The following VEPH1 variants were observed in gnomAD, a reference collection of about 807,000 sequenced individuals.
The protein encoded by VEPH1 is ventricular zone-expressed PH domain-containing protein homolog 1.
In VEPH1, 80 loss-of-function variants were observed where a neutral mutation model predicts 85.2. The observed-to-expected ratio is 0.94, with a 90% confidence interval of 0.78 to 1.13. VEPH1 has a LOEUF of 1.13. Among genes scored for constraint, VEPH1 ranks in the 50% most tolerant of loss-of-function variants. The pLI is 0.00. For synonymous variants in VEPH1, 297 were observed against 348.0 expected, an observed-to-expected ratio of 0.85 and a Z score of 1.63; for missense variants, 955 against 980.5, an observed-to-expected ratio of 0.97 and a Z score of 0.35.
intron 9 of VEPH1, among the ~76,000 whole-genome samples, chr3:157,344,050 G>A (rs1456341113): frequency 2.0e-5 from 3 of 152,148 alleles, no homozygotes; most frequent in African/African-American, 7.2e-5. Context: ...AGCTATTTAT[G>A]ACAAACCCAC....
intron 9 of VEPH1, among the ~76,000 whole-genome samples, chr3:157,345,789 A>G (rs1189800391): frequency 2.0e-5 from 3 of 152,246 alleles, no homozygotes; most frequent in Non-Finnish European, 1.5e-5. Context: ...CCAAATGTCC[A>G]TAAATGATAT....
intron 4 of VEPH1, among the ~76,000 whole-genome samples, chr3:157,455,182 A>G (rs917897868): frequency 1.3e-5 from 2 of 152,186 alleles, no homozygotes; most frequent in African/African-American, 2.4e-5. Context: ...TGCTTTCCAC[A>G]GTGGCTGAAC....
At chr3:157,465,668 C>T (rs1736300067) in intron 3 of VEPH1, among the ~76,000 whole-genome samples, 1 of 152,190 alleles carries the variant, frequency 6.6e-6, no homozygotes, top group Admixed American at 6.5e-5. Flanking sequence ...ACATGCAACA[C>T]TAGCAAGGGC....
chr3:157,287,473 G>T (rs1716925367), intron 11 of VEPH1, among the ~76,000 whole-genome samples: 1 of 152,088 alleles, frequency 6.6e-6, no homozygotes, highest in South Asian at 2.1e-4. Context: ...TTGGCTCCAG[G>T]ACTGTTTAGT....
chr3:157,340,801 G>A (rs1412222796), intron 9 of VEPH1, among the ~76,000 whole-genome samples: 8 of 152,166 alleles, frequency 5.3e-5, no homozygotes, highest in Non-Finnish European at 7.3e-5. Flanking sequence ...CAGCTCACAC[G>A]GCCGGGTACC....
chr3:157,425,887 C>T (rs1732718410), intron 5 of VEPH1, among the ~76,000 whole-genome samples: 1 of 152,116 alleles, frequency 6.6e-6, no homozygotes, highest in South Asian at 2.1e-4. Context: ...CCACAATGCC[C>T]AAATGTTATG....
intron 6 of VEPH1, among the ~76,000 whole-genome samples, chr3:157,390,265 A>G (rs1340638706): frequency 6.6e-6 from 1 of 152,226 alleles, no homozygotes; most frequent in East Asian, 1.9e-4. Context: ...TTGGTTTGGG[A>G]CAATGAGTTA....
chr3:157,357,719 C>G (rs1226424434), intron 9 of VEPH1, among the ~76,000 whole-genome samples: 2 of 152,184 alleles, frequency 1.3e-5, no homozygotes, highest in Non-Finnish European at 2.9e-5. Context: ...TCTCGAACTC[C>G]TGACCTCAGG....
At chr3:157,322,354 T>G (rs1459142723) in intron 9 of VEPH1, among the ~76,000 whole-genome samples, 2 of 152,212 alleles carry the variant, frequency 1.3e-5, no homozygotes, top group Non-Finnish European at 2.9e-5. Flanking sequence ...GTTTACTCAT[T>G]TTTCTGTTGA....
chr3:157,398,192 G>A (rs1331428229), intron 6 of VEPH1, among the ~76,000 whole-genome samples: 1 of 152,138 alleles, frequency 6.6e-6, no homozygotes, highest in African/African-American at 2.4e-5. Context: ...TTTGATGATG[G>A]AATACTGCAG....
At chr3:157,350,724 A>T (rs532790338) in intron 9 of VEPH1, among the ~76,000 whole-genome samples, 1 of 152,364 alleles carries the variant, frequency 6.6e-6, no homozygotes, top group East Asian at 1.9e-4. Context: ...CTGAACAGAT[A>T]TTTCTCAAAA....
intron 7 of VEPH1, among the ~76,000 whole-genome samples, chr3:157,367,906 A>AT (rs1559999321): frequency 6.6e-6 from 1 of 152,206 alleles, no homozygotes; most frequent in African/African-American, 2.4e-5. Context: ...TCTGGCTTAT[A>AT]TCAGTTACAA....
rs144692384 is a variant in VEPH1, at chr3:157,428,397, C to T, written c.621G>A (p.Met207Ile). The change falls in exon 5 of 14, where the codon ATG becomes ATA. Residue 207 changes from methionine (M) to isoleucine (I), a missense_variant. Coordinates refer to ENST00000362010, the MANE Select transcript of VEPH1 (RefSeq NM_001167912.2). ...NRHLTELLAL[M>I]SQLEQPEQYH... is the part of the protein sequence containing the mutation. ...ACTGTTCTGGCTGTTCCAGCTGAGACATCAAGGCCAGGAGTTCTGTCAGGT... is the reference window on the plus strand; with the variant it reads ...ACTGTTCTGGCTGTTCCAGCTGAGATATCAAGGCCAGGAGTTCTGTCAGGT... 2.1e-3 allele frequency: 3,393 copies of T among 1,614,072 alleles called. 13 individuals carry two copies. The highest frequency in any genetic ancestry group is 0.014 in the East Asian group (642 of 44,874).
intron 9 of VEPH1, among the ~76,000 whole-genome samples, chr3:157,335,345 C>G (rs899086937): frequency 6.6e-6 from 1 of 151,436 alleles, no homozygotes; most frequent in East Asian, 2.0e-4. Flanking sequence ...TTCAGTGAGC[C>G]GTGTTTGCAT....
intron 2 of VEPH1, among the ~76,000 whole-genome samples, chr3:157,489,751 G>C (rs1475696410): frequency 6.6e-6 from 1 of 150,896 alleles, no homozygotes; most frequent in Non-Finnish European, 1.5e-5. Flanking sequence ...TTCTATCCTA[G>C]CATCCAGTAC....
rs1247097645 is a variant in VEPH1 at position 157,458,694 on chromosome 3, T to A, written c.529+1487A>T. 2.6e-5 allele frequency among the ~76,000 whole-genome samples: 4 copies of A among 152,362 alleles called. No homozygotes were observed. In the East Asian group the frequency reaches 7.7e-4, roughly 29 times the overall value. On this transcript the variant is annotated intron_variant, in intron 4 of 13. Transcript: ENST00000362010. ...TTTAAGGACTTAGCCATAAATTTAT[T>A]GCCAAGGCTATTGTCAAGAAGGGTA...
intron 3 of VEPH1, 58 bp from the exon 4 acceptor site, chr3:157,460,413 C>T (rs1049899128): frequency 6.5e-7 from 1 of 1,540,954 alleles, no homozygotes; most frequent in South Asian, 1.2e-5. Context: ...TTTATTCATT[C>T]ATTCACTCAT....
intron 9 of VEPH1, among the ~76,000 whole-genome samples, chr3:157,348,623 G>T (rs528425108): frequency 6.6e-6 from 1 of 152,258 alleles, no homozygotes; most frequent in African/African-American, 2.4e-5. Flanking sequence ...CCTGGAAATG[G>T]GAAGTCCCTC....
intron 11 of VEPH1, among the ~76,000 whole-genome samples, chr3:157,290,419 T>C (rs1717341508): frequency 6.6e-6 from 1 of 152,180 alleles, no homozygotes; most frequent in Non-Finnish European, 1.5e-5. Context: ...TGTGAGATAA[T>C]AAGTATGTGT....
Sources: allele counts gnomAD v4.1 joint callset (sites outside exome capture counted in the v4.1 genomes callset), GRCh38; gene constraint gnomAD v4.1.1; transcripts MANE v1.5; gene names NCBI Gene and HGNC (gene_info 2026-07-23, HGNC 2026-07-21).